Variants in ADAM2 observed in about 807,000 individuals in gnomAD.
The protein encoded by ADAM2 is disintegrin and metalloproteinase domain-containing protein 2.
ADAM2 carries 101 observed loss-of-function variants against 99.3 expected under a neutral mutation model. The observed-to-expected ratio is 1.02, with a 90% CI of 0.87 to 1.20. The LOEUF is 1.20. Ranked by LOEUF, ADAM2 falls within the 50% of genes most tolerant of loss-of-function variation. ADAM2 has a pLI of 0.00. For synonymous variants in ADAM2, 323 were observed against 287.6 expected, an observed-to-expected ratio of 1.12 and a Z score of -1.25; for missense variants, 948 against 878.7, an observed-to-expected ratio of 1.08 and a Z score of -1.00.
chr8:39,801,094 C>T (rs1399896552), intron 7 of ADAM2, among the ~76,000 whole-genome samples: 1 of 152,152 alleles, frequency 6.6e-6, no homozygotes, highest in Non-Finnish European at 1.5e-5. Flanking sequence ...AGAAGAGGCT[C>T]TCTGGGCTTT....
chr8:39,812,164 T>C (rs1804730353), intron 6 of ADAM2, among the ~76,000 whole-genome samples: 3 of 152,228 alleles, frequency 2.0e-5, no homozygotes, highest in Non-Finnish European at 2.9e-5. Context: ...ATGAGTAAAC[T>C]CCCATTCACA....
intron 3 of ADAM2, among the ~76,000 whole-genome samples, chr8:39,828,386 G>T (rs549607258): frequency 1.4e-4 from 22 of 151,870 alleles, no homozygotes; most frequent in African/African-American, 5.3e-4. Context: ...TTACTCAAGA[G>T]TTGATATGTT....
intron 16 of ADAM2, among the ~76,000 whole-genome samples, chr8:39,750,138 G>T (rs1823668871): frequency 6.6e-6 from 1 of 152,062 alleles, no homozygotes; most frequent in African/African-American, 2.4e-5. Context: ...CCTGATGATA[G>T]ATAGGACTTA....
intron 15 of ADAM2, among the ~76,000 whole-genome samples, chr8:39,759,841 C>T (rs1022833016): frequency 6.6e-6 from 1 of 152,056 alleles, no homozygotes; most frequent in Admixed American, 6.6e-5. Flanking sequence ...GAATGGGTAT[C>T]AGTAACATTC....
chr8:39,837,245 A>G, intron 1 of ADAM2, 33 bp from the exon 2 acceptor site: 1 of 1,470,386 alleles, frequency 6.8e-7, no homozygotes. Context: ...TATTAGAACA[A>G]TGCCCATCAT....
chr8:39,813,259 A>G lies in ADAM2; in HGVS notation c.514-3793T>C, dbSNP rs577602873. Among the ~76,000 whole-genome samples the G allele has an allele frequency of 1.8e-3, 267 of 152,122 alleles. 1 individual carries two copies. The highest frequency in any genetic ancestry group is 3.3e-3 in the Non-Finnish European group (225 of 68,000). ...CAGTTAGAATGGTGATCATTAAAAA[A>G]TCAGGAAACAACAGGTGCTGGAGAG... On this transcript the variant is annotated intron_variant, in intron 6 of 20. Transcript: ENST00000265708.
At chr8:39,779,920 G>A (rs891084645) in intron 10 of ADAM2, among the ~76,000 whole-genome samples, 6 of 151,800 alleles carry the variant, frequency 4.0e-5, no homozygotes, top group Admixed American at 3.9e-4. Flanking sequence ...ATGAACACAT[G>A]TTATGTTTTG....
At chr8:39,789,858 TAATTA>T (rs898804511) in intron 7 of ADAM2, among the ~76,000 whole-genome samples, 5 of 151,674 alleles carry the variant, frequency 3.3e-5, no homozygotes, top group Non-Finnish European at 7.4e-5. Flanking sequence ...AAAGGCAACC[TAATTA>T]AAACATGTGC....
At chr8:39,791,355 T>C (rs1048894073) in intron 7 of ADAM2, among the ~76,000 whole-genome samples, 1 of 152,106 alleles carries the variant, frequency 6.6e-6, no homozygotes, top group Non-Finnish European at 1.5e-5. Context: ...TCCTCATTTC[T>C]GATAAATCTG....
chr8:39,778,012 T>C (rs1803067609), intron 10 of ADAM2, among the ~76,000 whole-genome samples: 1 of 147,908 alleles, frequency 6.8e-6, no homozygotes, highest in Non-Finnish European at 1.5e-5. Context: ...ATATAATTTA[T>C]ATTTATATAA....
intron 7 of ADAM2, among the ~76,000 whole-genome samples, chr8:39,805,436 A>G: frequency 6.6e-6 from 1 of 152,230 alleles, no homozygotes; most frequent in Non-Finnish European, 1.5e-5. Flanking sequence ...AAATGGTAAA[A>G]ACGATAAGCT....
chr8:39,760,164 G>C (rs1380114962), intron 15 of ADAM2, among the ~76,000 whole-genome samples: 1 of 152,106 alleles, frequency 6.6e-6, no homozygotes, highest in Non-Finnish European at 1.5e-5. Flanking sequence ...ACCCCGCCCG[G>C]TCTTCTAGTT....
intron 20 of ADAM2, 49 bp downstream of exon 20, chr8:39,744,781 T>C (rs1223878095): frequency 2.4e-6 from 3 of 1,246,736 alleles, no homozygotes; most frequent in Non-Finnish European, 3.4e-6. Flanking sequence ...TGCACCTGTG[T>C]CCCAGTACTT....
chr8:39,760,484 G>T (rs1380245081), intron 15 of ADAM2, among the ~76,000 whole-genome samples: 3 of 152,138 alleles, frequency 2.0e-5, no homozygotes, highest in African/African-American at 7.2e-5. Flanking sequence ...CATTTTGGGA[G>T]GCCGAGGCAG....
chr8:39,774,854 T>A (rs1052138462), intron 11 of ADAM2, among the ~76,000 whole-genome samples: 6 of 152,152 alleles, frequency 3.9e-5, no homozygotes, highest in African/African-American at 1.4e-4. Context: ...TGAATAATGC[T>A]CAACATTATT....
chr8:39,823,718 C>T (rs1805289737), intron 4 of ADAM2, among the ~76,000 whole-genome samples: 1 of 151,858 alleles, frequency 6.6e-6, no homozygotes. Flanking sequence ...CACATACGCA[C>T]ACACACATAT....
At chr8:39,812,376 AT>A (rs573487777) in intron 6 of ADAM2, among the ~76,000 whole-genome samples, 63 of 152,350 alleles carry the variant, frequency 4.1e-4, no homozygotes, top group African/African-American at 1.4e-3. Flanking sequence ...ATTCAATGCC[AT>A]CCCCATCAAG....
chr8:39,796,280 G>A (rs1201825421), intron 7 of ADAM2, among the ~76,000 whole-genome samples: 2 of 152,146 alleles, frequency 1.3e-5, no homozygotes, highest in African/African-American at 4.8e-5. Flanking sequence ...TTATGAGGGA[G>A]AACATGTGGT....
At position 39,773,960 on chromosome 8, in the gene ADAM2, A is replaced by G. The variant is rs559258535; in HGVS notation, c.1028+3065T>C. ...CAATATTAGGGGAAAAAATCCAGCTACAAAAAGGATTAATACATTAAAAGG... is the reference window on the plus strand; with the variant it reads ...CAATATTAGGGGAAAAAATCCAGCTGCAAAAAGGATTAATACATTAAAAGG... On this transcript the variant is annotated intron_variant, in intron 11 of 20. Coordinates refer to ENST00000265708, the MANE Select transcript of ADAM2 (RefSeq NM_001464.5). Among the ~76,000 whole-genome samples the G allele has an allele frequency of 1.1e-4, 17 of 152,064 alleles. No homozygotes were observed. In the South Asian group the frequency reaches 3.5e-3, roughly 32 times the overall value.
Sources: allele counts gnomAD v4.1 joint callset (sites outside exome capture counted in the v4.1 genomes callset), GRCh38; gene constraint gnomAD v4.1.1; transcripts MANE v1.5; gene names NCBI Gene and HGNC (gene_info 2026-07-23, HGNC 2026-07-21).